Variants in LAMA2 observed in about 807,000 individuals in gnomAD.
The protein encoded by LAMA2 is laminin subunit alpha 2.
A neutral mutation model predicts 364.8 loss-of-function variants in LAMA2; 269 were observed. The observed-to-expected ratio is 0.74, with a 90% confidence interval of 0.67 to 0.82. The LOEUF (loss-of-function observed/expected upper bound fraction) is 0.82. Ranked by LOEUF, LAMA2 falls within the 40% of genes least tolerant of loss-of-function variation. LAMA2 has a pLI of 0.00. For missense variants in LAMA2, 3,807 were observed against 3,873.2 expected, an observed-to-expected ratio of 0.98 and a Z score of 0.45; for synonymous variants, 1,379 against 1,370.6, an observed-to-expected ratio of 1.01 and a Z score of -0.14.
chr6:129,180,335 A>T (rs1469951396), intron 10 of LAMA2, among the ~76,000 whole-genome samples: 10 of 152,178 alleles, frequency 6.6e-5, no homozygotes, highest in Non-Finnish European at 1.0e-4. Context: ...ATAAGTATTT[A>T]TCTGTAAATA....
intron 3 of LAMA2, among the ~76,000 whole-genome samples, chr6:129,097,357 T>G (rs1196098194): frequency 6.6e-6 from 1 of 152,248 alleles, no homozygotes; most frequent in Non-Finnish European, 1.5e-5. Context: ...GACACAGATA[T>G]GCACTACCAC....
rs781269433 is a variant in LAMA2 at position 129,315,506 on chromosome 6, C to T, written c.3586C>T (p.Pro1196Ser). The T allele has an allele frequency of 1.2e-6, 2 of 1,614,160 alleles. No homozygotes were observed. Among genetic ancestry groups the T allele is most frequent in the South Asian group, 1.1e-5 (1 of 91,078 alleles). The change falls in exon 25 of 65, where the codon CCC (proline) becomes TCC (serine). Residue 1196 changes from proline (P) to serine (S), a missense_variant. Physicochemically the swap from Pro to Ser is moderately conservative, Grantham distance 74 (BLOSUM62 -1). This residue lies in a region of LAMA2 where 3,333 missense variants were observed against 3,345.7 expected (regional missense o/e 1.00). Coordinates refer to ENST00000421865, the MANE Select transcript of LAMA2 (RefSeq NM_000426.4). ...TCTGAAGGCTGAGCAGACCATTCTA[C>T]CCCTGGTAGATGAGGCTCTGCAGCA... ...VTLKAEQTIL[P>S]LVDEALQHTT... is the part of the protein sequence containing the mutation.
intron 12 of LAMA2, among the ~76,000 whole-genome samples, chr6:129,210,989 A>G (rs575598286): frequency 6.6e-6 from 1 of 152,286 alleles, no homozygotes; most frequent in East Asian, 1.9e-4. Flanking sequence ...TACCTACATT[A>G]TGTCCCCACG....
rs543386696 is a variant in LAMA2 at position 128,914,907 on chromosome 6, T to A, written c.112+31550T>A. On this transcript the variant is annotated intron_variant, in intron 1 of 64. Transcript: ENST00000421865. ...GAATATTAATATTATATTATACTTT[T>A]CCATTTTTAAATCATATTAAAAATA... Among the ~76,000 whole-genome samples the A allele has an allele frequency of 1.3e-4, 20 of 152,318 alleles. No homozygotes were observed. The South Asian group carries it at 3.5e-3, about 27-fold the overall frequency.
chr6:129,022,666 G>T (rs9388675), intron 1 of LAMA2, among the ~76,000 whole-genome samples: 89,588 of 151,924 alleles, frequency 0.59, 29,570 homozygotes, highest in East Asian at 0.96. Flanking sequence ...TACTTCAAAA[G>T]CTTTTTCTAA....
chr6:128,913,520 A>C (rs527991824), intron 1 of LAMA2, among the ~76,000 whole-genome samples: 37 of 152,286 alleles, frequency 2.4e-4, no homozygotes, highest in Non-Finnish European at 2.5e-4. Flanking sequence ...AATTGGTTTT[A>C]CTTACTGACT....
At chr6:129,186,063 T>A (rs1030348354) in intron 10 of LAMA2, among the ~76,000 whole-genome samples, 5 of 151,736 alleles carry the variant, frequency 3.3e-5, no homozygotes, top group African/African-American at 1.2e-4. Context: ...TTAAAATGAA[T>A]TTATTGGATC....
In LAMA2 at chr6:129,402,896, A is replaced by G. The variant is rs1348580653; in HGVS notation, c.5726+409A>G. Among the ~76,000 whole-genome samples, 4 of 152,330 alleles carry G rather than the reference A, an allele frequency of 2.6e-5. No individual in the cohort carries two copies. In the East Asian group the frequency reaches 7.7e-4, roughly 29 times the overall value. On this transcript the variant is annotated intron_variant, in intron 39 of 64. Coordinates refer to ENST00000421865, the MANE Select transcript of LAMA2 (RefSeq NM_000426.4). ...TTTATTGTTAAAAGGATGGCTTTTG[A>G]AAATTTGGCCCCATACGTAGTCTTT...
At chr6:129,013,922 CAT>C (rs569259221) in intron 1 of LAMA2, among the ~76,000 whole-genome samples, 23 of 152,154 alleles carry the variant, frequency 1.5e-4, no homozygotes, top group African/African-American at 4.3e-4. Flanking sequence ...AAAAAGCAGA[CAT>C]GTGTGGGATG....
At chr6:129,239,807 C>A (rs1012577931) in intron 12 of LAMA2, among the ~76,000 whole-genome samples, 58 of 152,158 alleles carry the variant, frequency 3.8e-4, no homozygotes, top group African/African-American at 1.4e-3. Context: ...TGTGCCACTG[C>A]ATCTAGCTCC....
chr6:129,016,040 G>A (rs573937231), intron 1 of LAMA2, among the ~76,000 whole-genome samples: 1 of 152,080 alleles, frequency 6.6e-6, no homozygotes, highest in African/African-American at 2.4e-5. Context: ...TTTGCCCTTT[G>A]TGTTTTAACT....
At chr6:129,411,727 A>G (rs1324201971) in intron 40 of LAMA2, among the ~76,000 whole-genome samples, 2 of 150,702 alleles carry the variant, frequency 1.3e-5, no homozygotes, top group Admixed American at 6.6e-5. Flanking sequence ...TTCATTTGCT[A>G]TAAATACACT....
chr6:129,444,528 G>A (rs1017814240), intron 44 of LAMA2, among the ~76,000 whole-genome samples: 2 of 152,154 alleles, frequency 1.3e-5, no homozygotes, highest in African/African-American at 4.8e-5. Context: ...ACTGCACTCA[G>A]TTCTTGATAT....
chr6:128,978,377 G>T (rs1782662520), intron 1 of LAMA2, among the ~76,000 whole-genome samples: 1 of 150,146 alleles, frequency 6.7e-6, no homozygotes. Context: ...TGAGAGCATG[G>T]TGTGGTCTCG....
intron 41 of LAMA2, among the ~76,000 whole-genome samples, chr6:129,436,397 C>T (rs765212538): frequency 5.3e-5 from 8 of 152,114 alleles, no homozygotes; most frequent in South Asian, 4.1e-4. Flanking sequence ...CATCCATATC[C>T]GCTCATCTAC....
At chr6:129,359,261 A>T (rs1479273895) in intron 32 of LAMA2, among the ~76,000 whole-genome samples, 2 of 130,856 alleles carry the variant, frequency 1.5e-5, no homozygotes, top group Non-Finnish European at 3.2e-5. Context: ...TATATATAAA[A>T]CACATATATC....
intron 4 of LAMA2, among the ~76,000 whole-genome samples, chr6:129,123,967 G>A (rs1404722202): frequency 6.6e-6 from 1 of 152,166 alleles, no homozygotes; most frequent in African/African-American, 2.4e-5. Flanking sequence ...GGCAGAGACG[G>A]TGGTGATGGT....
At chr6:129,308,413 T>C (rs561004725) in intron 22 of LAMA2, among the ~76,000 whole-genome samples, 2 of 152,340 alleles carry the variant, frequency 1.3e-5, no homozygotes, top group African/African-American at 4.8e-5. Context: ...CTAATTAAAC[T>C]CTTGAAATTG....
At chr6:129,029,518 A>G (rs188579192) in intron 1 of LAMA2, among the ~76,000 whole-genome samples, 3 of 152,146 alleles carry the variant, frequency 2.0e-5, no homozygotes, top group African/African-American at 7.2e-5. Context: ...GATTCTCAAA[A>G]CACTTTTTAA....
Sources: gnomAD v4.1 joint callset for allele counts (sites outside exome capture counted in the v4.1 genomes callset) on GRCh38, gnomAD v4.1.1 for gene constraint, gnomAD v4.1.1 regional missense constraint, MANE v1.5 for transcripts, NCBI Gene and HGNC (gene_info 2026-07-23, HGNC 2026-07-21) for gene names.